Variants in HS6ST3 observed in about 807,000 individuals in gnomAD.
HS6ST3 encodes the protein heparan-sulfate 6-O-sulfotransferase 3.
A neutral mutation model predicts 36.7 loss-of-function variants in HS6ST3; 12 were observed. The observed-to-expected ratio is 0.33, with a 90% CI of 0.21 to 0.53. HS6ST3 has a LOEUF of 0.53. HS6ST3 is among the 20% of genes least tolerant of loss of function. The pLI is 0.95. For synonymous variants in HS6ST3, 240 were observed against 257.5 expected, an observed-to-expected ratio of 0.93 and a Z score of 0.65; for missense variants, 584 against 640.9, an observed-to-expected ratio of 0.91 and a Z score of 0.96.
Position 96,112,582 on chromosome 13 carries a change from T to TACATATATATATACATATATAC in HS6ST3, c.707+21014_707+21015insCATATATATATACATATATACA, listed in dbSNP as rs1321584593. On this transcript the variant is annotated intron_variant, in intron 1 of 1. Coordinates refer to ENST00000376705, the MANE Select transcript of HS6ST3 (RefSeq NM_153456.4). ...ACCCCATCTCTAAAATAAATAAATATATATATATATATATATATATATATA... is the reference window on the plus strand; with the variant it reads ...ACCCCATCTCTAAAATAAATAAATATACATATATATATACATATATACATATATATATATATATATATATATA... 3.1e-4 allele frequency among the ~76,000 whole-genome samples: 13 copies of TACATATATATATACATATATAC among 41,758 alleles called. 1 individual carries two copies. The highest frequency in any genetic ancestry group is 9.9e-4 in the African/African-American group (12 of 12,176). The allele number at this position is 41,758 out of a possible 152,430, so 27.4% of individuals were successfully genotyped here. A position where few individuals can be genotyped will look rare whatever the true frequency, so the allele number is the denominator to read the frequency against.
chr13:96,766,075 G>A (rs1191807224), intron 1 of HS6ST3, among the ~76,000 whole-genome samples: 1 of 152,076 alleles, frequency 6.6e-6, no homozygotes, highest in Non-Finnish European at 1.5e-5. Flanking sequence ...GTAGCCCTGG[G>A]TTGTAAGAAA....
intron 1 of HS6ST3, among the ~76,000 whole-genome samples, chr13:96,151,122 C>T (rs1331563986): frequency 4.6e-5 from 7 of 151,974 alleles, no homozygotes; most frequent in African/African-American, 9.7e-5. Flanking sequence ...CCTGGATACA[C>T]GCTGGGCACC....
rs116907462 is a variant in HS6ST3 at position 96,222,065 on chromosome 13, G to T, written c.707+130496G>T. Among the ~76,000 whole-genome samples the T allele has an allele frequency of 2.6e-4, 40 of 152,294 alleles. No individual in the cohort carries two copies. The East Asian group carries it at 7.0e-3, about 26-fold the overall frequency. ...GTTCCAATTTTGAAATACAGATGAT[G>T]AAATTGACAGTGTGATTAGATAAAA... On this transcript the variant is annotated intron_variant, in intron 1 of 1. Transcript: ENST00000376705.
At chr13:96,759,403 A>T (rs2138498669) in intron 1 of HS6ST3, among the ~76,000 whole-genome samples, 1 of 151,842 alleles carries the variant, frequency 6.6e-6, no homozygotes, top group East Asian at 1.9e-4. Context: ...CATTTTTAAA[A>T]TTTTAGTTTT....
chr13:96,116,017 C>A (rs920765604), intron 1 of HS6ST3, among the ~76,000 whole-genome samples: 1 of 152,066 alleles, frequency 6.6e-6, no homozygotes, highest in Non-Finnish European at 1.5e-5. Flanking sequence ...AGCTTTTATT[C>A]ATATATTTAT....
intron 1 of HS6ST3, among the ~76,000 whole-genome samples, chr13:96,258,723 TG>T (rs1408130550): frequency 6.6e-6 from 1 of 152,210 alleles, no homozygotes; most frequent in African/African-American, 2.4e-5. Context: ...TAGTAGATAT[TG>T]AATGGATATT....
chr13:96,413,159 G>A (rs1294026388), intron 1 of HS6ST3, among the ~76,000 whole-genome samples: 1 of 152,118 alleles, frequency 6.6e-6, no homozygotes, highest in Admixed American at 6.5e-5. Context: ...GTATTTCACT[G>A]TCATTATCAC....
intron 1 of HS6ST3, among the ~76,000 whole-genome samples, chr13:96,530,677 C>T (rs749902658): frequency 5.2e-4 from 79 of 152,182 alleles, no homozygotes; most frequent in Non-Finnish European, 3.1e-4. Flanking sequence ...GTTTCTAAAA[C>T]CATTCTTTCT....
chr13:96,683,567 C>T (rs531403699), intron 1 of HS6ST3, among the ~76,000 whole-genome samples: 25 of 152,160 alleles, frequency 1.6e-4, no homozygotes, highest in African/African-American at 5.5e-4. Flanking sequence ...ACTGTGGAAA[C>T]AGAACTGGTA....
chr13:96,275,570 T>C (rs189361172), intron 1 of HS6ST3, among the ~76,000 whole-genome samples: 30 of 152,320 alleles, frequency 2.0e-4, no homozygotes, highest in African/African-American at 7.2e-4. Flanking sequence ...TCCAAAGTCA[T>C]GGTATCACAA....
intron 1 of HS6ST3, among the ~76,000 whole-genome samples, chr13:96,533,377 T>C (rs9584374): frequency 0.073 from 11,105 of 152,258 alleles, 669 homozygotes; most frequent in African/African-American, 0.16. Flanking sequence ...CAAATAATAA[T>C]TTAATGGACA....
chr13:96,397,285 G>A (rs1241506658), intron 1 of HS6ST3, among the ~76,000 whole-genome samples: 6 of 152,182 alleles, frequency 3.9e-5, no homozygotes, highest in Admixed American at 3.9e-4. Flanking sequence ...TTTAAAGCGT[G>A]TTGTAGACTT....
intron 1 of HS6ST3, among the ~76,000 whole-genome samples, chr13:96,133,615 G>T (rs951532299): frequency 2.6e-5 from 4 of 151,752 alleles, no homozygotes; most frequent in African/African-American, 7.3e-5. Flanking sequence ...TAGAATCGGG[G>T]TTTCGCCATG....
chr13:96,130,876 T>C (rs1485761157), intron 1 of HS6ST3, among the ~76,000 whole-genome samples: 1 of 152,158 alleles, frequency 6.6e-6, no homozygotes, highest in Non-Finnish European at 1.5e-5. Flanking sequence ...TCTTCTTCTC[T>C]GATGGCTCAT....
chr13:96,106,326 G>C (rs1173409976), intron 1 of HS6ST3, among the ~76,000 whole-genome samples: 2 of 152,062 alleles, frequency 1.3e-5, no homozygotes, highest in Non-Finnish European at 2.9e-5. Context: ...TGTGGCTTTT[G>C]TTTCAGTGTA....
intron 1 of HS6ST3, among the ~76,000 whole-genome samples, chr13:96,782,378 C>T (rs903471489): frequency 1.3e-5 from 2 of 152,114 alleles, no homozygotes; most frequent in African/African-American, 4.8e-5. Flanking sequence ...TGTTCCTAAT[C>T]GGGTTTGGTT....
At chr13:96,217,153 A>G (rs1303698953) in intron 1 of HS6ST3, among the ~76,000 whole-genome samples, 1 of 152,214 alleles carries the variant, frequency 6.6e-6, no homozygotes, top group African/African-American at 2.4e-5. Context: ...AGGGGTCCGG[A>G]AAGAAGCAAC....
At chr13:96,212,252 C>A (rs985258164) in intron 1 of HS6ST3, among the ~76,000 whole-genome samples, 1 of 152,052 alleles carries the variant, frequency 6.6e-6, no homozygotes. Context: ...AACATGAAGG[C>A]GTTATATACG....
At chr13:96,656,729 T>G (rs891116284) in intron 1 of HS6ST3, among the ~76,000 whole-genome samples, 23 of 152,140 alleles carry the variant, frequency 1.5e-4, no homozygotes, top group African/African-American at 5.5e-4. Flanking sequence ...GGTGGAATCC[T>G]TCAATGAATT....
Sources: gnomAD v4.1 joint callset for allele counts (sites outside exome capture counted in the v4.1 genomes callset) on GRCh38, gnomAD v4.1.1 for gene constraint, MANE v1.5 for transcripts, NCBI Gene and HGNC (gene_info 2026-07-23, HGNC 2026-07-21) for gene names.